Variants in TAOK3 observed in about 807,000 individuals in gnomAD.
TAOK3 encodes serine/threonine-protein kinase TAO3.
Under a neutral mutation model 120.4 loss-of-function variants are expected in TAOK3, and 40 were observed. The ratio of observed to expected loss-of-function variants is 0.33; its 90% CI spans 0.26 to 0.43. The LOEUF is 0.43. TAOK3 is among the 20% of genes least tolerant of loss of function. The probability of loss-of-function intolerance (pLI) is 1.00; values close to 1 mark genes in which losing one functional copy is unlikely to be tolerated. For synonymous variants in TAOK3, 355 were observed against 387.5 expected (o/e 0.92, Z 0.99); for missense variants, 821 against 1,112.1 (o/e 0.74, Z 3.72).
chr12:118,348,438 ATTTCTTTC>A (rs1174216144), intron 1 of TAOK3, among the ~76,000 whole-genome samples: 2 of 151,358 alleles, frequency 1.3e-5, no homozygotes, highest in Middle Eastern at 3.4e-3. Context: ...CTTCTGCCTT[ATTTCTTTC>A]TTTCTTTCTT....
intron 1 of TAOK3, among the ~76,000 whole-genome samples, chr12:118,329,665 T>G (rs557075246): frequency 4.3e-4 from 66 of 152,270 alleles, no homozygotes; most frequent in African/African-American, 1.5e-3. Flanking sequence ...AGGAAGGTCA[T>G]TCTCTGTGCC....
Position 118,201,296 on chromosome 12 carries a change from T to C in TAOK3, c.987A>G (p.Glu329=). 5.6e-6 allele frequency: 9 copies of C among 1,611,856 alleles called. No individual in the cohort carries two copies. Among genetic ancestry groups the C allele is most frequent in the Non-Finnish European group, 7.6e-6 (9 of 1,179,170 alleles). Residue 329 remains glutamate, a splice_region_variant and synonymous_variant, in exon 12 of 21, where the codon GAA becomes GAG. Transcript: ENST00000392533. ...GPLNESQEDE[E]DSEHGTSLNR... ...GCCTGCTAAAATAAATTGAACCTAC[T>C]TCCTCATCCTCCTGTGACTCATTCA...
At chr12:118,321,748 T>C (rs918971671) in intron 1 of TAOK3, among the ~76,000 whole-genome samples, 4 of 152,214 alleles carry the variant, frequency 2.6e-5, no homozygotes, top group Admixed American at 6.5e-5. Context: ...ATTTCCTTTG[T>C]TGTTTCACTT....
At chr12:118,276,085 G>A (rs993317234) in intron 1 of TAOK3, among the ~76,000 whole-genome samples, 1 of 152,162 alleles carries the variant, frequency 6.6e-6, no homozygotes, top group African/African-American at 2.4e-5. Flanking sequence ...GGAAGCCACC[G>A]AAGCATTTCA....
chr12:118,152,581 G>C (rs1566217510), intron 19 of TAOK3, 172 bp from the exon 20 acceptor site: 1 of 608,980 alleles, frequency 1.6e-6, no homozygotes, highest in Non-Finnish European at 2.9e-6. Flanking sequence ...AAACAGTCAA[G>C]TCTGCCCAAT....
intron 19 of TAOK3, among the ~76,000 whole-genome samples, chr12:118,154,259 ATATCTT>A (rs1209602159): frequency 6.6e-6 from 1 of 152,178 alleles, no homozygotes; most frequent in Non-Finnish European, 1.5e-5. Flanking sequence ...AAACATCTAA[ATATCTT>A]TAAACATTTA....
intron 4 of TAOK3, among the ~76,000 whole-genome samples, chr12:118,244,534 T>TC (rs1555229945): frequency 1.0e-5 from 1 of 96,758 alleles, no homozygotes; most frequent in Non-Finnish European, 2.2e-5. Context: ...TTTCTTTTTC[T>TC]TTTTTTTTTT....
intron 14 of TAOK3, 120 bp downstream of exon 14, chr12:118,189,685 GAA>G: frequency 1.6e-6 from 2 of 1,219,884 alleles, no homozygotes; most frequent in Non-Finnish European, 2.3e-6. Flanking sequence ...TTAGGAGAGA[GAA>G]AACATTCTTG....
At chr12:118,182,208 ATTAT>A (rs2036775606) in intron 14 of TAOK3, among the ~76,000 whole-genome samples, 2 of 152,046 alleles carry the variant, frequency 1.3e-5, no homozygotes, top group African/African-American at 4.8e-5. Flanking sequence ...ACAAAAAGAA[ATTAT>A]TTATTCAGTC....
At chr12:118,334,723 A>G (rs909333590) in intron 1 of TAOK3, among the ~76,000 whole-genome samples, 1 of 151,772 alleles carries the variant, frequency 6.6e-6, no homozygotes, top group African/African-American at 2.4e-5. Flanking sequence ...AAACATACAA[A>G]AAATTAGCTG....
At chr12:118,252,072 C>T (rs1020730364) in intron 3 of TAOK3, among the ~76,000 whole-genome samples, 11 of 152,076 alleles carry the variant, frequency 7.2e-5, no homozygotes, top group Admixed American at 3.3e-4. Context: ...CCACCCGCCT[C>T]GGCCTCCCAA....
intron 9 of TAOK3, among the ~76,000 whole-genome samples, chr12:118,219,517 T>C (rs1265761933): frequency 6.6e-6 from 1 of 152,216 alleles, no homozygotes; most frequent in Non-Finnish European, 1.5e-5. Context: ...AAACCTTCCC[T>C]GACCTCTCAG....
At chr12:118,207,376 C>T (rs1593159820) in intron 11 of TAOK3, among the ~76,000 whole-genome samples, 3 of 151,538 alleles carry the variant, frequency 2.0e-5, no homozygotes, top group Admixed American at 6.6e-5. Flanking sequence ...TCTACCATCT[C>T]GAAATAAATA....
At chr12:118,184,486 C>CTTT (rs2036954775) in intron 14 of TAOK3, among the ~76,000 whole-genome samples, 1 of 152,112 alleles carries the variant, frequency 6.6e-6, no homozygotes. Context: ...TTAAAAAGTG[C>CTTT]TTTCACATAT....
chr12:118,248,468 T>C (rs895847067), intron 3 of TAOK3, among the ~76,000 whole-genome samples: 1 of 152,114 alleles, frequency 6.6e-6, no homozygotes, highest in African/African-American at 2.4e-5. Context: ...TAAAAGCTGA[T>C]GTAAATTCAG....
At chr12:118,157,088 A>G (rs2034886277) in intron 19 of TAOK3, among the ~76,000 whole-genome samples, 1 of 152,098 alleles carries the variant, frequency 6.6e-6, no homozygotes, top group Admixed American at 6.6e-5. Context: ...CATCCTGAAC[A>G]CTGGACTCTC....
chr12:118,328,682 C>T (rs999777913), intron 1 of TAOK3, among the ~76,000 whole-genome samples: 5 of 152,090 alleles, frequency 3.3e-5, no homozygotes, highest in African/African-American at 1.2e-4. Flanking sequence ...ATATGAGTTA[C>T]AATTTTTCTT....
chr12:118,230,786 C>A (rs1255425146), intron 9 of TAOK3, among the ~76,000 whole-genome samples: 2 of 152,024 alleles, frequency 1.3e-5, no homozygotes, highest in African/African-American at 4.8e-5. Context: ...TGAACTTTTA[C>A]GTAGTATTGT....
chr12:118,233,080 T>G (rs1236754307), intron 9 of TAOK3, among the ~76,000 whole-genome samples: 3 of 151,758 alleles, frequency 2.0e-5, no homozygotes, highest in Non-Finnish European at 4.4e-5. Context: ...CCATAAAAAA[T>G]GATGAGTTCA....
Sources: gnomAD v4.1 joint callset for allele counts (sites outside exome capture counted in the v4.1 genomes callset) on GRCh38, gnomAD v4.1.1 for gene constraint, MANE v1.5 for transcripts, NCBI Gene and HGNC (gene_info 2026-07-23, HGNC 2026-07-21) for gene names.